The following PIGN variants were observed in gnomAD, a reference collection of about 807,000 sequenced individuals.
PIGN encodes the protein phosphatidylinositol glycan anchor biosynthesis class N.
In PIGN, 117 loss-of-function variants were observed where a neutral mutation model predicts 125.4. The ratio of observed to expected loss-of-function variants is 0.93; its 90% CI spans 0.80 to 1.09. The LOEUF (loss-of-function observed/expected upper bound fraction) is 1.09. PIGN is among the 50% of genes least tolerant of loss of function. The probability of loss-of-function intolerance (pLI) is 0.00; values close to 1 mark genes in which losing one functional copy is unlikely to be tolerated. For missense variants in PIGN, 1,075 were observed against 1,094.9 expected (o/e 0.98, Z 0.26); for synonymous variants, 392 against 377.8 (o/e 1.04, Z -0.44).
chr18:62,121,974 A>C (rs570304849), intron 14 of PIGN, among the ~76,000 whole-genome samples: 11 of 152,216 alleles, frequency 7.2e-5, no homozygotes, highest in African/African-American at 2.4e-4. Context: ...GGTTGTACTA[A>C]TTTACATTCC....
rs548731492 is a variant in PIGN at position 62,132,570 on chromosome 18, A to G, written c.1172+5673T>C. Among the ~76,000 whole-genome samples the G allele has an allele frequency of 4.6e-5, 7 of 152,256 alleles. 1 individual carries two copies. In the East Asian group the frequency reaches 1.4e-3, roughly 29 times the overall value. ...ATAAATTCTGATTACAGTCAGGCAC[A>G]GTAGCTCACACCTGCAATCCCAGCA... On this transcript the variant is annotated intron_variant, in intron 14 of 30. Transcript: ENST00000640252.
At chr18:62,058,224 A>C (rs919528487) in intron 30 of PIGN, among the ~76,000 whole-genome samples, 18 of 152,184 alleles carry the variant, frequency 1.2e-4, no homozygotes, top group African/African-American at 4.1e-4. Flanking sequence ...TCTTCTCTTG[A>C]TGTTAAATGT....
At position 62,113,278 on chromosome 18, in the gene PIGN, T is replaced by C. The variant is rs769617875; in HGVS notation, c.1290A>G (p.Lys430=). 8 of 1,611,628 alleles carry C rather than the reference T, an allele frequency of 5.0e-6. No individual in the cohort carries two copies. Among genetic ancestry groups the C allele is most frequent in the Non-Finnish European group, 6.8e-6 (8 of 1,178,862 alleles). Reference sequence around the variant, plus strand: ...CATATGTGTGATAATAGGACAATCCTTTCAATGCAAGATGAATTAGCTCCT... The same window carrying C: ...CATATGTGTGATAATAGGACAATCCCTTCAATGCAAGATGAATTAGCTCCT... ...LCKELIHLAL[K]GLSYYHTYDR... The change falls in exon 16 of 31, where the codon AAA becomes AAG. Residue 430 remains lysine, a synonymous_variant. Transcript: ENST00000640252.
chr18:62,170,024 T>C (rs2037295765), intron 1 of PIGN, among the ~76,000 whole-genome samples: 2 of 152,254 alleles, frequency 1.3e-5, no homozygotes, highest in Non-Finnish European at 1.5e-5. Context: ...GTGGCTCTAA[T>C]TCTCAGCAAC....
At chr18:62,090,599 G>A (rs1272863200) in intron 23 of PIGN, 21 bp from the exon 24 acceptor site, 1 of 1,392,108 alleles carries the variant, frequency 7.2e-7, no homozygotes, top group Non-Finnish European at 1.0e-6. Flanking sequence ...GGGAAAGGTA[G>A]AAATGAAAAG....
At position 62,072,813 on chromosome 18, in the gene PIGN, A is replaced by G. The variant is rs1370925497; in HGVS notation, c.2620-88T>C. On this transcript the variant is annotated intron_variant, in intron 29 of 30. Coordinates refer to ENST00000640252, the MANE Select transcript of PIGN (RefSeq NM_176787.5). ...GCTATTTTAGGACTGTATGTTTCAG[A>G]TTTCTGACTCTAAGAATCACTATCT... The G allele has an allele frequency of 4.4e-6, 4 of 916,224 alleles. No homozygotes were observed. The African/African-American group carries it at 6.8e-5, about 15-fold the overall frequency. 56.8% of individuals were successfully genotyped at this position (916,224 alleles called of 1,614,324 possible).
chr18:62,153,079 C>G (rs1266145515), intron 7 of PIGN, among the ~76,000 whole-genome samples: 1 of 152,106 alleles, frequency 6.6e-6, no homozygotes, highest in Non-Finnish European at 1.5e-5. Context: ...TCCTCAAATC[C>G]ATTATGCTGG....
At chr18:62,020,904 T>C (rs1258546365) in intron 23 of PIGN, among the ~76,000 whole-genome samples, 1 of 147,354 alleles carries the variant, frequency 6.8e-6, no homozygotes, top group African/African-American at 2.5e-5. Context: ...GAGCTTGCAG[T>C]GAGCCGAGAT....
At chr18:62,177,484 C>T (rs1457398256) in intron 1 of PIGN, among the ~76,000 whole-genome samples, 1 of 152,136 alleles carries the variant, frequency 6.6e-6, no homozygotes, top group African/African-American at 2.4e-5. Context: ...AGATGATTAA[C>T]GTCTTTGTCT....
chr18:62,126,527 T>C (rs1374881002), intron 14 of PIGN, among the ~76,000 whole-genome samples: 1 of 152,190 alleles, frequency 6.6e-6, no homozygotes, highest in Non-Finnish European at 1.5e-5. Context: ...GTGAACTTTT[T>C]AAAGTCTCTG....
chr18:62,112,564 A>T (rs2034922637), intron 16 of PIGN: 1 of 152,102 alleles, frequency 6.6e-6, no homozygotes, highest in Non-Finnish European at 1.5e-5. Context: ...TTTAATTTTT[A>T]TTTTTTCACT....
At chr18:62,123,854 G>A (rs868494966) in intron 14 of PIGN, among the ~76,000 whole-genome samples, 1 of 151,764 alleles carries the variant, frequency 6.6e-6, no homozygotes, top group Non-Finnish European at 1.5e-5. Flanking sequence ...AACTTGGAAG[G>A]CCAGAGAAGA....
In PIGN at chr18:62,110,020, T is replaced by C. The variant is rs189479774; in HGVS notation, c.1435-47A>G. ...TGAAACACTTCCAAACCAATGGTAA[T>C]TGATAGGTTTTAAAAGAGATTTTAT... On this transcript the variant is annotated intron_variant, in intron 16 of 30. Transcript: ENST00000640252. 12 of 1,583,670 alleles carry C rather than the reference T, an allele frequency of 7.6e-6. No homozygotes were observed. The East Asian group carries it at 2.5e-4, about 33-fold the overall frequency.
chr18:62,177,398 C>T (rs989038330), intron 1 of PIGN, among the ~76,000 whole-genome samples: 2 of 152,112 alleles, frequency 1.3e-5, no homozygotes, highest in African/African-American at 4.8e-5. Flanking sequence ...GCTCTTATCT[C>T]GTTCATACAT....
intron 17 of PIGN, among the ~76,000 whole-genome samples, chr18:62,108,768 T>C (rs1482257097): frequency 6.6e-6 from 1 of 152,172 alleles, no homozygotes; most frequent in Middle Eastern, 3.4e-3. Context: ...TTTTTGTATT[T>C]TTAGTAGAAA....
chr18:62,135,785 C>G (rs62095344), intron 14 of PIGN: 36,078 of 151,764 alleles, frequency 0.24, 4,540 homozygotes, highest in Middle Eastern at 0.38. Context: ...TGCCACCATG[C>G]CTGGCTCATT....
intron 28 of PIGN, among the ~76,000 whole-genome samples, chr18:62,078,589 T>A (rs969082245): frequency 6.6e-6 from 1 of 152,222 alleles, no homozygotes; most frequent in Non-Finnish European, 1.5e-5. Flanking sequence ...TGCGAAGGCA[T>A]AAATGTAATA....
intron 23 of PIGN, among the ~76,000 whole-genome samples, chr18:62,092,101 A>G (rs12604216): frequency 0.3 from 45,761 of 152,058 alleles, 8,044 homozygotes; most frequent in East Asian, 0.58. Flanking sequence ...CAGGTTTCAG[A>G]AAGCATACAC....
chr18:62,028,319 G>A (rs1599375982), intron 23 of PIGN, among the ~76,000 whole-genome samples: 1 of 152,198 alleles, frequency 6.6e-6, no homozygotes, highest in East Asian at 1.9e-4. Flanking sequence ...GAGCCATCCA[G>A]CTGTTTACAC....
Sources: allele counts gnomAD v4.1 joint callset (sites outside exome capture counted in the v4.1 genomes callset), GRCh38; gene constraint gnomAD v4.1.1; transcripts MANE v1.5; gene names NCBI Gene and HGNC (gene_info 2026-07-23, HGNC 2026-07-21).